The following NAA10 variants were observed in gnomAD, a reference collection of about 807,000 sequenced individuals.
NAA10 encodes N-alpha-acetyltransferase 10.
NAA10 carries 6 observed loss-of-function variants against 19.2 expected under a neutral mutation model. The observed-to-expected ratio is 0.31, with a 90% CI of 0.17 to 0.62. The LOEUF is 0.62. Among genes scored for constraint, NAA10 ranks in the 20% least tolerant of loss-of-function variants. The probability of loss-of-function intolerance (pLI) is 0.83; values close to 1 mark genes in which losing one functional copy is unlikely to be tolerated. For synonymous variants in NAA10, 97 were observed against 79.9 expected, an observed-to-expected ratio of 1.21 and a Z score of -1.14; for missense variants, 101 against 198.4, an observed-to-expected ratio of 0.51 and a Z score of 2.95.
chrX:153,933,558 G>C, intron 3 of NAA10: 1 of 120,898 alleles, frequency 8.3e-6, no homozygotes, highest in Non-Finnish European at 1.7e-5. Flanking sequence ...TGTAATCCCA[G>C]CTACTAAGGA....
chrX:153,934,233 C>T lies in NAA10; in HGVS notation c.120+144G>A, dbSNP rs971990606. On this transcript the variant is annotated intron_variant, in intron 2 of 7. Transcript: ENST00000464845. ...TCGGGCGCCTTCTTTTCCTTTGCCC[C>T]TGTCTGCCAGCTGAAAACACCCAGG... 38 of 598,420 alleles carry T rather than the reference C, an allele frequency of 6.4e-5. No homozygotes were observed. In the East Asian group the frequency reaches 1.3e-3, roughly 21 times the overall value. The allele number at this position is 598,420 out of a possible 1,213,427, so 49.3% of individuals were successfully genotyped here.
At position 153,935,033 on chromosome X, in the gene NAA10, G is replaced by A. The variant is rs1557108144; in HGVS notation, c.-129C>T. On this transcript the variant is annotated 5_prime_UTR_variant, in exon 1 of 8. Coordinates refer to ENST00000464845, the MANE Select transcript of NAA10 (RefSeq NM_003491.4). ...GGCTCGCTGGGCGACGGCGGAAGGG[G>A]CGGTGCGCGCCGGGCCGGCCACCGG... 8 of 662,775 alleles carry A rather than the reference G, an allele frequency of 1.2e-5. No homozygotes were observed. The highest frequency in any genetic ancestry group is 2.3e-5 in the African/African-American group (1 of 42,587). The allele number at this position is 662,775 out of a possible 1,213,427, so 54.6% of individuals were successfully genotyped here. A position where few individuals can be genotyped will look rare whatever the true frequency, so the allele number is the denominator to read the frequency against.
intron 6 of NAA10, chrX:153,931,726 C>T: frequency 1.0e-6 from 1 of 976,923 alleles, no homozygotes; most frequent in Non-Finnish European, 1.3e-6. Flanking sequence ...ATGCTTGAGT[C>T]CTGCTCCTCA....
In NAA10 at chrX:153,929,668, C is replaced by T. The variant is rs1331584797; in HGVS notation, c.*319G>A. The T allele has an allele frequency of 3.0e-5, 10 of 334,460 alleles. No homozygotes were observed. In the Admixed American group the frequency reaches 3.2e-4, roughly 11 times the overall value. 27.6% of individuals were successfully genotyped at this position (334,460 alleles called of 1,213,427 possible). ...GTTGAGCTTTGAGCCTGAGCAGCCC[C>T]GGCTTGTGCCACAAAACACATTCAG... On this transcript the variant is annotated 3_prime_UTR_variant, in exon 8 of 8. Transcript: ENST00000464845.
intron 6 of NAA10, 137 bp from the exon 7 acceptor site, chrX:153,930,984 G>C (rs1414515332): frequency 2.4e-5 from 28 of 1,190,402 alleles, no homozygotes; most frequent in Middle Eastern, 2.3e-4. Flanking sequence ...AACAAGTCCA[G>C]TGTGACCTGC....
chrX:153,934,322 G>C (rs1557107905), intron 2 of NAA10, 55 bp downstream of exon 2: 1 of 1,012,976 alleles, frequency 9.9e-7, no homozygotes, highest in Admixed American at 2.6e-5. Context: ...AAGATGGCCA[G>C]ATGGGATTTT....
intron 7 of NAA10, 178 bp from the exon 8 acceptor site, chrX:153,930,401 G>C: frequency 2.0e-6 from 1 of 492,675 alleles, no homozygotes; most frequent in Non-Finnish European, 3.6e-6. Context: ...ACCGCTACCT[G>C]GGCTTACCGA....
At chrX:153,933,797 G>A (rs782807369) in intron 3 of NAA10, 146 bp downstream of exon 3, 52 of 505,192 alleles carry the variant, frequency 1.0e-4, no homozygotes, top group Admixed American at 5.4e-4. Flanking sequence ...GCTGAGGGGT[G>A]CTATAAGAAC....
chrX:153,931,170 G>A (rs1557107322), intron 6 of NAA10: 4 of 964,511 alleles, frequency 4.1e-6, no homozygotes, highest in Non-Finnish European at 5.2e-6. Flanking sequence ...CCCTTACTGA[G>A]CTGCCTCACA....
At chrX:153,932,236 C>T (rs1337458493) in intron 5 of NAA10, 80 bp downstream of exon 5, 1 of 1,150,225 alleles carries the variant, frequency 8.7e-7, no homozygotes, top group African/African-American at 1.8e-5. Flanking sequence ...GGATCTTCAC[C>T]AAAAGCTGAG....
chrX:153,931,294 GCTGGACT>G lies in NAA10; in HGVS notation c.387-454_387-448del, dbSNP rs781895730. ...GCGTGGCCATGTCCCTGGAAGGGGA[GCTGGACT>G]CAATGGCCTAGGCTGGCCCTGCCAG... is the stretch of plus-strand genomic sequence containing the variant. On this transcript the variant is annotated intron_variant, in intron 6 of 7. Coordinates refer to ENST00000464845, the MANE Select transcript of NAA10 (RefSeq NM_003491.4). 5 of 883,249 alleles carry G rather than the reference GCTGGACT, an allele frequency of 5.7e-6. No individual in the cohort carries two copies. The South Asian group carries it at 1.5e-4, about 26-fold the overall frequency. 72.8% of individuals were successfully genotyped at this position (883,249 alleles called of 1,213,427 possible). A position where few individuals can be genotyped will look rare whatever the true frequency, so the allele number is the denominator to read the frequency against.
Position 153,930,208 on chromosome X carries a change from C to T in NAA10, c.487G>A (p.Glu163Lys). The T allele has an allele frequency of 8.3e-7, 1 of 1,210,172 alleles. No individual in the cohort carries two copies. Among genetic ancestry groups the T allele is most frequent in the Non-Finnish European group, 1.1e-6 (1 of 894,553 alleles). The change falls in exon 8 of 8, where the codon GAG becomes AAG. Residue 163 changes from glutamate to lysine, a missense_variant. By Grantham distance (56) the Glu-to-Lys change is moderately conservative. Coordinates refer to ENST00000464845, the MANE Select transcript of NAA10 (RefSeq NM_003491.4). ...QMADELRRHL[E>K]LKEKGRHVVL... is the part of the protein sequence containing the mutation. Reference sequence around the variant, plus strand: ...ACGTGCCTGCCCTTCTCTTTCAGCTCCAGGTGCCGCCTCAGCTGCCACCAG... The same window carrying T: ...ACGTGCCTGCCCTTCTCTTTCAGCTTCAGGTGCCGCCTCAGCTGCCACCAG...
At chrX:153,933,734 G>A in intron 3 of NAA10, 4 of 403,989 alleles carry the variant, frequency 9.9e-6, no homozygotes, top group Non-Finnish European at 1.3e-5. Flanking sequence ...TGTCACAAGT[G>A]GACCACACAA....
intron 2 of NAA10, 103 bp downstream of exon 2, chrX:153,934,274 C>T: frequency 1.3e-6 from 1 of 749,093 alleles, no homozygotes; most frequent in Non-Finnish European, 2.0e-6. Flanking sequence ...ACCGACCATA[C>T]AGCCCCCTGG....
chrX:153,933,345 G>C (rs186114076), intron 3 of NAA10, among the ~76,000 whole-genome samples: 1 of 112,517 alleles, frequency 8.9e-6, no homozygotes, highest in East Asian at 2.8e-4. Flanking sequence ...ACAAAGAGAA[G>C]TGCAGTAATG....
intron 7 of NAA10, 138 bp from the exon 8 acceptor site, chrX:153,930,361 A>G (rs2065159612): frequency 3.5e-6 from 2 of 576,497 alleles, no homozygotes; most frequent in Non-Finnish European, 5.9e-6. Flanking sequence ...CGCGGGACTG[A>G]GTGGGGACAC....
chrX:153,934,837 G>A, intron 1 of NAA10, 47 bp downstream of exon 1: 1 of 981,971 alleles, frequency 1.0e-6, no homozygotes, highest in Non-Finnish European at 1.3e-6. Context: ...CAGCCACCCG[G>A]CCCGGCGCCC....
intron 3 of NAA10, among the ~76,000 whole-genome samples, chrX:153,933,326 G>A (rs940708258): frequency 1.8e-5 from 2 of 112,268 alleles, no homozygotes; most frequent in Non-Finnish European, 3.8e-5. Context: ...AAACCATGGG[G>A]CTTACAACAC....
rs781858138 is a variant in NAA10, at chrX:153,932,262, C to T, written c.341+54G>A. On this transcript the variant is annotated intron_variant, in intron 5 of 7. Transcript: ENST00000464845. ...AAAAGCTGAGGTACCCCAGGACCCC[C>T]GTCAAGGCAGTATCTCTCCCCCTCA... is the stretch of plus-strand genomic sequence containing the variant. The T allele has an allele frequency of 3.6e-5, 41 of 1,150,389 alleles. No homozygotes were observed. The Middle Eastern group carries it at 1.8e-3, about 51-fold the overall frequency. The allele number at this position is 1,150,389 out of a possible 1,213,427, so 94.8% of individuals were successfully genotyped here.
Sources: gnomAD v4.1 joint callset for allele counts (sites outside exome capture counted in the v4.1 genomes callset) on GRCh38, gnomAD v4.1.1 for gene constraint, MANE v1.5 for transcripts, NCBI Gene and HGNC (gene_info 2026-07-23, HGNC 2026-07-21) for gene names.